Variants in SYCP1 observed in about 807,000 individuals in gnomAD.
SYCP1 encodes the protein cancer/testis antigen 8.
In SYCP1, 64 loss-of-function variants were observed where a neutral mutation model predicts 153.1. The ratio of observed to expected loss-of-function variants is 0.42; its 90% CI spans 0.34 to 0.51. The LOEUF is 0.51. Ranked by LOEUF, SYCP1 falls within the 20% of genes least tolerant of loss-of-function variation. SYCP1 has a pLI of 0.06. For missense variants in SYCP1, 997 were observed against 1,049.0 expected (o/e 0.95, Z 0.68); for synonymous variants, 384 against 341.8 (o/e 1.12, Z -1.36).
chr1:114,963,097 T>G (rs1671882567), intron 27 of SYCP1, among the ~76,000 whole-genome samples: 1 of 152,252 alleles, frequency 6.6e-6, no homozygotes, highest in African/African-American at 2.4e-5. Flanking sequence ...CTCACAGCTC[T>G]TAAGATTCTT....
At chr1:114,876,932 T>G (rs200791216) in intron 11 of SYCP1, 122 bp downstream of exon 11, 5 of 427,454 alleles carry the variant, frequency 1.2e-5, no homozygotes. Context: ...AATTTTAATA[T>G]TATACATATA....
At chr1:114,860,373 G>T (rs141596652) in intron 7 of SYCP1, among the ~76,000 whole-genome samples, 38 of 152,126 alleles carry the variant, frequency 2.5e-4, no homozygotes, top group African/African-American at 8.9e-4. Flanking sequence ...GTTAATGAAT[G>T]GCCCAACCTA....
intron 30 of SYCP1, among the ~76,000 whole-genome samples, chr1:114,991,493 G>A (rs887573254): frequency 4.6e-5 from 7 of 151,914 alleles, no homozygotes; most frequent in Admixed American, 4.6e-4. Context: ...TGCCAGGGAG[G>A]TTCAACATAA....
At chr1:114,951,499 T>G (rs1238292190) in intron 27 of SYCP1, among the ~76,000 whole-genome samples, 1 of 152,194 alleles carries the variant, frequency 6.6e-6, no homozygotes, top group African/African-American at 2.4e-5. Flanking sequence ...TTGAAAGGGC[T>G]GAGATTCTAG....
At chr1:114,992,893 G>A (rs1303197333) in intron 30 of SYCP1, among the ~76,000 whole-genome samples, 1 of 151,364 alleles carries the variant, frequency 6.6e-6, no homozygotes, top group East Asian at 1.9e-4. Flanking sequence ...TATGACAAGG[G>A]ATTGATATCT....
chr1:114,882,214 A>AAACAAACAAACC (rs1255609284), intron 12 of SYCP1, among the ~76,000 whole-genome samples: 1 of 151,468 alleles, frequency 6.6e-6, no homozygotes, highest in South Asian at 2.1e-4. Flanking sequence ...ACAAACAAAC[A>AAACAAACAAACC]AACCAAACAA....
At chr1:114,941,409 T>C (rs2101808018) in intron 23 of SYCP1, among the ~76,000 whole-genome samples, 2 of 152,260 alleles carry the variant, frequency 1.3e-5, no homozygotes, top group East Asian at 3.9e-4. Flanking sequence ...TTCTGTTTCA[T>C]GTTTGCTTGT....
intron 23 of SYCP1, 37 bp from the exon 24 acceptor site, chr1:114,944,302 A>T (rs764429416): frequency 1.7e-6 from 2 of 1,157,562 alleles, no homozygotes; most frequent in East Asian, 2.5e-5. Flanking sequence ...AATCCATAGC[A>T]TTTACTAATA....
At chr1:114,924,476 T>C (rs144557308) in intron 21 of SYCP1, among the ~76,000 whole-genome samples, 2 of 152,236 alleles carry the variant, frequency 1.3e-5, no homozygotes, top group East Asian at 3.9e-4. Context: ...TTAGAGTCTA[T>C]AGAAAGGACA....
intron 20 of SYCP1, among the ~76,000 whole-genome samples, chr1:114,917,397 G>A (rs1418169094): frequency 6.6e-6 from 1 of 152,134 alleles, no homozygotes; most frequent in Admixed American, 6.5e-5. Context: ...ACCTGTTGAT[G>A]GACACTTACA....
intron 2 of SYCP1, 77 bp downstream of exon 2, chr1:114,855,649 G>A (rs1663886254): frequency 4.3e-6 from 5 of 1,174,810 alleles, no homozygotes; most frequent in Non-Finnish European, 6.1e-6. Context: ...TCTTCCTGGT[G>A]GTGTTTTATA....
intron 27 of SYCP1, among the ~76,000 whole-genome samples, chr1:114,954,941 C>T (rs546115023): frequency 1.1e-4 from 17 of 152,138 alleles, no homozygotes; most frequent in Non-Finnish European, 2.4e-4. Context: ...ATGTGGTAGA[C>T]TGATAAGTGG....
intron 15 of SYCP1, among the ~76,000 whole-genome samples, chr1:114,894,579 T>G (rs574445295): frequency 6.6e-6 from 1 of 152,210 alleles, no homozygotes; most frequent in South Asian, 2.1e-4. Context: ...AGAAAAACAT[T>G]GGGCTTTATT....
chr1:114,957,183 G>A (rs1395978798), intron 27 of SYCP1, among the ~76,000 whole-genome samples: 1 of 152,256 alleles, frequency 6.6e-6, no homozygotes, highest in Middle Eastern at 3.4e-3. Context: ...TGTGGTCTCA[G>A]CCTACTAAGT....
intron 23 of SYCP1, among the ~76,000 whole-genome samples, chr1:114,934,267 A>C (rs1176243517): frequency 6.6e-6 from 1 of 152,220 alleles, no homozygotes; most frequent in Non-Finnish European, 1.5e-5. Context: ...ACATTCTTAA[A>C]GAAAAGAATT....
At chr1:114,895,687 G>T (rs1004177271) in intron 16 of SYCP1, among the ~76,000 whole-genome samples, 178 bp downstream of exon 16, 1 of 151,924 alleles carries the variant, frequency 6.6e-6, no homozygotes, top group African/African-American at 2.4e-5. Context: ...TATATACCTT[G>T]TTAACTGTCT....
At chr1:114,890,895 TC>T (rs1191140710) in intron 15 of SYCP1, among the ~76,000 whole-genome samples, 2 of 152,132 alleles carry the variant, frequency 1.3e-5, no homozygotes, top group Admixed American at 1.3e-4. Flanking sequence ...ACAGTTCAAT[TC>T]CTCATTTTCT....
intron 30 of SYCP1, among the ~76,000 whole-genome samples, chr1:114,986,657 A>G (rs1012812885): frequency 1.3e-5 from 2 of 151,994 alleles, no homozygotes; most frequent in African/African-American, 4.8e-5. Context: ...TTAAATTTTG[A>G]ACATTCAAAT....
At chr1:114,882,648 A>T (rs1666033253) in intron 12 of SYCP1, among the ~76,000 whole-genome samples, 1 of 151,126 alleles carries the variant, frequency 6.6e-6, no homozygotes, top group African/African-American at 2.4e-5. Context: ...TGTGTGCCTT[A>T]TTGTTTTTGA....
Sources: gnomAD v4.1 joint callset for allele counts (sites outside exome capture counted in the v4.1 genomes callset) on GRCh38, gnomAD v4.1.1 for gene constraint, MANE v1.5 for transcripts, NCBI Gene and HGNC (gene_info 2026-07-23, HGNC 2026-07-21) for gene names.